The following PRKCH variants were observed in gnomAD, a reference collection of about 807,000 sequenced individuals.
PRKCH encodes the protein protein kinase C eta type.
Under a neutral mutation model 82.5 loss-of-function variants are expected in PRKCH, and 28 were observed. The observed-to-expected ratio is 0.34, with a 90% CI of 0.25 to 0.47. PRKCH has a LOEUF of 0.47. PRKCH is among the 20% of genes least tolerant of loss of function. The probability of loss-of-function intolerance (pLI) is 1.00; values close to 1 mark genes in which losing one functional copy is unlikely to be tolerated. For synonymous variants in PRKCH, 322 were observed against 327.4 expected (o/e 0.98, Z 0.18); for missense variants, 705 against 881.8 (o/e 0.80, Z 2.54).
chr14:61,464,964 A>G (rs57012066), intron 9 of PRKCH, among the ~76,000 whole-genome samples: 2,221 of 152,252 alleles, frequency 0.015, 57 homozygotes, highest in African/African-American at 0.051. Context: ...GAGTCGCCAC[A>G]TGGTTTTCCA....
chr14:61,430,835 A>G (rs1476337367), intron 2 of PRKCH, among the ~76,000 whole-genome samples: 1 of 151,972 alleles, frequency 6.6e-6, no homozygotes, highest in Non-Finnish European at 1.5e-5. Context: ...GCTCACTGCA[A>G]TCGCTGCCTC....
chr14:61,454,125 T>C (rs1254021910), intron 7 of PRKCH, among the ~76,000 whole-genome samples: 2 of 152,064 alleles, frequency 1.3e-5, no homozygotes, highest in Admixed American at 6.5e-5. Context: ...TATTTGTTTT[T>C]TGAGACAGAG....
intron 10 of PRKCH, among the ~76,000 whole-genome samples, chr14:61,506,307 C>G (rs1005047843): frequency 6.6e-6 from 1 of 152,084 alleles, no homozygotes; most frequent in Non-Finnish European, 1.5e-5. Context: ...CTCCATATTG[C>G]GGCGGTACTT....
At chr14:61,221,166 C>A (rs1247091126) in intron 1 of PRKCH, among the ~76,000 whole-genome samples, 1 of 152,148 alleles carries the variant, frequency 6.6e-6, no homozygotes, top group Non-Finnish European at 1.5e-5. Flanking sequence ...AACCCTCCAA[C>A]AGCGATCGGC....
intron 10 of PRKCH, among the ~76,000 whole-genome samples, chr14:61,502,192 G>A (rs1433561202): frequency 6.6e-6 from 1 of 150,642 alleles, no homozygotes; most frequent in Non-Finnish European, 1.5e-5. Flanking sequence ...AGCCTCTTGA[G>A]TAGCTGGGAC....
intron 2 of PRKCH, among the ~76,000 whole-genome samples, chr14:61,422,413 G>A (rs77989400): frequency 0.012 from 1,900 of 152,314 alleles, 43 homozygotes; most frequent in African/African-American, 0.043. Context: ...TTAAGTAGGA[G>A]CATAGCAGGG....
chr14:61,420,672 C>T (rs748195796), intron 2 of PRKCH, among the ~76,000 whole-genome samples: 3 of 152,158 alleles, frequency 2.0e-5, no homozygotes, highest in Non-Finnish European at 4.4e-5. Flanking sequence ...CCCAAAAGAT[C>T]GCATGACCAC....
intron 1 of PRKCH, among the ~76,000 whole-genome samples, chr14:61,239,391 G>A (rs1392320149): frequency 2.6e-5 from 4 of 152,162 alleles, no homozygotes; most frequent in East Asian, 1.9e-4. Flanking sequence ...GTGGGCTGAG[G>A]CCTAAAATGG....
At chr14:61,278,251 A>C (rs1351392232) in intron 1 of PRKCH, 3 of 152,262 alleles carry the variant, frequency 2.0e-5, no homozygotes, top group Admixed American at 6.5e-5. Flanking sequence ...AAATGTATCT[A>C]TATACATATA....
At chr14:61,339,324 C>CTA (rs2045899298) in intron 1 of PRKCH, among the ~76,000 whole-genome samples, 1 of 143,596 alleles carries the variant, frequency 7.0e-6, no homozygotes, top group African/African-American at 2.5e-5. Context: ...TTAATTGTAA[C>CTA]TTTTTTTTTT....
chr14:61,195,032 C>T (rs2044431364), intron 1 of PRKCH, among the ~76,000 whole-genome samples: 1 of 152,210 alleles, frequency 6.6e-6, no homozygotes, highest in Non-Finnish European at 1.5e-5. Context: ...CTGCGCCTGG[C>T]CATCATTATC....
At chr14:61,404,297 G>T (rs919052303) in intron 2 of PRKCH, among the ~76,000 whole-genome samples, 1 of 152,186 alleles carries the variant, frequency 6.6e-6, no homozygotes, top group Non-Finnish European at 1.5e-5. Context: ...CTTTGTATAT[G>T]TAAGAGACCA....
At chr14:61,210,981 G>A (rs189741086) in intron 1 of PRKCH, among the ~76,000 whole-genome samples, 4 of 152,308 alleles carry the variant, frequency 2.6e-5, no homozygotes, top group Admixed American at 1.3e-4. Flanking sequence ...CCATGCTGCT[G>A]TCTCTGCATC....
chr14:61,287,678 C>A (rs2045327208), intron 1 of PRKCH, among the ~76,000 whole-genome samples: 1 of 151,868 alleles, frequency 6.6e-6, no homozygotes, highest in Non-Finnish European at 1.5e-5. Context: ...CCACTGCACT[C>A]CAGCCTGGGC....
intron 2 of PRKCH, among the ~76,000 whole-genome samples, chr14:61,437,725 G>A (rs1398566068): frequency 2.6e-5 from 4 of 152,054 alleles, no homozygotes; most frequent in Non-Finnish European, 2.9e-5. Context: ...AATGTGTCTC[G>A]GGGTACATTA....
chr14:61,514,241 T>C (rs1594777204), intron 10 of PRKCH, among the ~76,000 whole-genome samples: 2 of 150,930 alleles, frequency 1.3e-5, no homozygotes, highest in Admixed American at 1.3e-4. Context: ...GTTCACTGTG[T>C]CCTGCAGTAG....
chr14:61,280,872 G>C lies in PRKCH; in HGVS notation c.-19+93204G>C. 1 of 1,565,546 alleles carries C rather than the reference G, an allele frequency of 6.4e-7. No homozygotes were observed. The highest frequency in any genetic ancestry group is 1.2e-5 in the South Asian group (1 of 85,718). The stretch of plus-strand genomic sequence containing the variant: ...GCAGCGAGAAGTACCAGGCGCACGA[G>C]CAGGGGGGCGGCAGCGCCCGGCCCT... On this transcript the variant is annotated intron_variant, in intron 1 of 3. Coordinates refer to the PRKCH transcript ENST00000555185. This position sits in a 1 kb window ranked among gnomAD's most constrained non-coding sequence, Gnocchi z 5.0.
At chr14:61,474,532 A>C (rs945251530) in intron 9 of PRKCH, among the ~76,000 whole-genome samples, 4 of 152,072 alleles carry the variant, frequency 2.6e-5, no homozygotes, top group African/African-American at 9.7e-5. Context: ...CAGGGTGGGA[A>C]ACATCACACA....
At chr14:61,209,459 C>T (rs767590807) in intron 1 of PRKCH, among the ~76,000 whole-genome samples, 1 of 151,946 alleles carries the variant, frequency 6.6e-6, no homozygotes, top group African/African-American at 2.4e-5. Flanking sequence ...CCCAGTCTAT[C>T]GTATTTTATC....
Sources: gnomAD v4.1 joint callset for allele counts (sites outside exome capture counted in the v4.1 genomes callset) on GRCh38, gnomAD v4.1.1 for gene constraint, Gnocchi (gnomAD v3.1) non-coding constraint, MANE v1.5 for transcripts, NCBI Gene and HGNC (gene_info 2026-07-23, HGNC 2026-07-21) for gene names.